TRAPPC12: variants seen among roughly 807,000 people sequenced by gnomAD.
The protein encoded by TRAPPC12 is TPR repeat protein 15.
Under a neutral mutation model 69.2 loss-of-function variants are expected in TRAPPC12, and 61 were observed. That is an observed-to-expected ratio of 0.88 (90% CI 0.72 to 1.09). The LOEUF is 1.09. Ranked by LOEUF, TRAPPC12 falls within the 50% of genes least tolerant of loss-of-function variation. The probability of loss-of-function intolerance (pLI) is 0.00; values close to 1 mark genes in which losing one functional copy is unlikely to be tolerated. For synonymous variants in TRAPPC12, 469 were observed against 438.9 expected (o/e 1.07, Z -0.86); for missense variants, 1,101 against 1,016.4 (o/e 1.08, Z -1.13).
chr2:3,471,013 T>C (rs1666034877), intron 9 of TRAPPC12, among the ~76,000 whole-genome samples: 1 of 152,082 alleles, frequency 6.6e-6, no homozygotes, highest in African/African-American at 2.4e-5. Context: ...TGTAGGTGCC[T>C]CTGAAATATG....
chr2:3,464,799 C>T (rs761612948), intron 8 of TRAPPC12, among the ~76,000 whole-genome samples: 9 of 152,358 alleles, frequency 5.9e-5, no homozygotes, highest in Non-Finnish European at 1.2e-4. Flanking sequence ...GTCCGCTCAG[C>T]GTCCAGCAAG....
intron 3 of TRAPPC12, among the ~76,000 whole-genome samples, chr2:3,418,187 C>T (rs370326734): frequency 1.2e-4 from 18 of 152,246 alleles, no homozygotes; most frequent in African/African-American, 4.3e-4. Flanking sequence ...ATGGGAAAAC[C>T]ATATCTCTAC....
intron 8 of TRAPPC12, chr2:3,462,825 T>C (rs986813129): frequency 4.5e-6 from 2 of 446,680 alleles, no homozygotes; most frequent in Admixed American, 2.4e-5. Context: ...CGGGTGCCCC[T>C]GGGAGGCCAC....
At chr2:3,393,685 C>T (rs1660956842) in intron 2 of TRAPPC12, among the ~76,000 whole-genome samples, 1 of 98,212 alleles carries the variant, frequency 1.0e-5, no homozygotes. Context: ...TATTTACCCA[C>T]ATTTAAAAAA....
Position 3,388,792 on chromosome 2 carries a change from A to G in TRAPPC12, c.1047+122A>G, listed in dbSNP as rs1051308039. On this transcript the variant is annotated intron_variant, in intron 2 of 11. Transcript: ENST00000324266. ...TGTTTTCAGTAATTCCTAACATCCCATTGTGAGCGCCTGTGTTCCTCTGTC... is the reference window on the plus strand; with the variant it reads ...TGTTTTCAGTAATTCCTAACATCCCGTTGTGAGCGCCTGTGTTCCTCTGTC... 8 of 1,014,778 alleles carry G rather than the reference A, an allele frequency of 7.9e-6. No individual in the cohort carries two copies. In the East Asian group the frequency reaches 8.2e-5, roughly 10 times the overall value. 62.9% of individuals were successfully genotyped at this position (1,014,778 alleles called of 1,614,324 possible).
intron 8 of TRAPPC12, among the ~76,000 whole-genome samples, chr2:3,464,977 C>T (rs879814159): frequency 7.2e-5 from 11 of 152,234 alleles, no homozygotes; most frequent in African/African-American, 2.4e-4. Context: ...CGGCAGCTGG[C>T]ACAGCGCTCC....
chr2:3,445,886 C>T (rs1215462634), intron 6 of TRAPPC12, among the ~76,000 whole-genome samples: 1 of 152,260 alleles, frequency 6.6e-6, no homozygotes. Context: ...CTGAATGGGG[C>T]CCTGCCCCTT....
Position 3,388,233 on chromosome 2 carries a change from C to G in TRAPPC12, c.610C>G (p.Pro204Ala). ...RTPPQVVQPS[P>A]SLSTFFGDTA... is the part of the protein sequence containing the mutation. ...ACCGCCCCAGGTCGTGCAGCCCAGC[C>G]CCAGCCTCAGCACGTTCTTCGGAGA... Residue 204 changes from proline (P) to alanine (A), a missense_variant, in exon 2 of 12, where the codon CCC (proline) becomes GCC (alanine). Coordinates refer to ENST00000324266, the MANE Select transcript of TRAPPC12 (RefSeq NM_016030.6). The G allele has an allele frequency of 1.2e-6, 2 of 1,608,890 alleles. No individual in the cohort carries two copies. The highest frequency in any genetic ancestry group is 1.7e-6 in the Non-Finnish European group (2 of 1,177,822).
chr2:3,383,888 T>G (rs1482243331), intron 1 of TRAPPC12, among the ~76,000 whole-genome samples: 368 of 19,738 alleles, frequency 0.019, 6 homozygotes, highest in African/African-American at 0.12. Flanking sequence ...TTTTTTTTTT[T>G]TTTTTTTTTT....
chr2:3,474,666 G>A (rs1037895427), intron 9 of TRAPPC12, among the ~76,000 whole-genome samples: 3 of 152,206 alleles, frequency 2.0e-5, no homozygotes, highest in Non-Finnish European at 2.9e-5. Flanking sequence ...TCTGGTTTGC[G>A]TGTGCACAGG....
intron 6 of TRAPPC12, among the ~76,000 whole-genome samples, chr2:3,451,226 C>G (rs1274584766): frequency 6.6e-6 from 1 of 152,242 alleles, no homozygotes. Context: ...ATACTGTGGG[C>G]AGGTGTTGAT....
chr2:3,400,866 T>A (rs1661404347), intron 2 of TRAPPC12, among the ~76,000 whole-genome samples: 1 of 152,216 alleles, frequency 6.6e-6, no homozygotes, highest in Non-Finnish European at 1.5e-5. Flanking sequence ...TGACACTAGC[T>A]GTGAGATTGC....
At chr2:3,450,934 C>A (rs1332702027) in intron 6 of TRAPPC12, among the ~76,000 whole-genome samples, 1 of 152,132 alleles carries the variant, frequency 6.6e-6, no homozygotes, top group Non-Finnish European at 1.5e-5. Flanking sequence ...TCCTCAAGGC[C>A]CCCTGCAGAC....
chr2:3,460,788 A>G (rs967387387), intron 8 of TRAPPC12: 1 of 157,642 alleles, frequency 6.3e-6, no homozygotes, highest in African/African-American at 2.4e-5. Flanking sequence ...CTCAGCCCGC[A>G]GGGAAACAGC....
At chr2:3,448,651 GA>G (rs1664662012) in intron 6 of TRAPPC12, among the ~76,000 whole-genome samples, 1 of 130,628 alleles carries the variant, frequency 7.7e-6, no homozygotes, top group African/African-American at 2.9e-5. Context: ...GTAGGGCGTG[GA>G]GAGCAGCCGG....
chr2:3,453,499 C>T (rs915293781), intron 6 of TRAPPC12, among the ~76,000 whole-genome samples: 6 of 152,218 alleles, frequency 3.9e-5, no homozygotes, highest in African/African-American at 1.4e-4. Flanking sequence ...CATCTCTGTC[C>T]TCTTCCTCCT....
intron 6 of TRAPPC12, among the ~76,000 whole-genome samples, chr2:3,447,229 C>A (rs1664558606): frequency 6.6e-6 from 1 of 152,024 alleles, no homozygotes; most frequent in Non-Finnish European, 1.5e-5. Flanking sequence ...TCCTGAGTAG[C>A]TAGGATTACA....
intron 5 of TRAPPC12, among the ~76,000 whole-genome samples, chr2:3,433,047 T>G (rs886508166): frequency 7.2e-5 from 11 of 152,244 alleles, no homozygotes; most frequent in Non-Finnish European, 1.2e-4. Context: ...GTTTGGTTTG[T>G]TTTGTTTTGT....
At chr2:3,464,031 G>A (rs1159556335) in intron 8 of TRAPPC12, among the ~76,000 whole-genome samples, 1 of 152,120 alleles carries the variant, frequency 6.6e-6, no homozygotes, top group Non-Finnish European at 1.5e-5. Flanking sequence ...CCCCACAGCT[G>A]CATCTGGGGT....
Sources: gnomAD v4.1 joint callset for allele counts (sites outside exome capture counted in the v4.1 genomes callset) on GRCh38, gnomAD v4.1.1 for gene constraint, MANE v1.5 for transcripts, NCBI Gene and HGNC (gene_info 2026-07-23, HGNC 2026-07-21) for gene names.